Variants in ZNF516 observed in about 807,000 individuals in gnomAD.
ZNF516 encodes zinc finger protein 516.
A neutral mutation model predicts 79.7 loss-of-function variants in ZNF516; 19 were observed. The ratio of observed to expected loss-of-function variants is 0.24; its 90% CI spans 0.17 to 0.35. The LOEUF is 0.35. ZNF516 is among the 10% of genes least tolerant of loss of function. The probability of loss-of-function intolerance (pLI) is 1.00; values close to 1 mark genes in which losing one functional copy is unlikely to be tolerated. For missense variants in ZNF516, 1,678 were observed against 1,679.5 expected (o/e 1.00, Z 0.02); for synonymous variants, 877 against 739.5 (o/e 1.19, Z -3.02).
At chr18:76,407,470 G>T (rs1231098455) in intron 3 of ZNF516, among the ~76,000 whole-genome samples, 1 of 152,084 alleles carries the variant, frequency 6.6e-6, no homozygotes, top group Admixed American at 6.5e-5. Flanking sequence ...AGTAGCGCAG[G>T]TTCAATGTCG....
At chr18:76,423,541 TCCCCGAAACACACGCAGGTGAAAAGGCTC>T (rs2075538319) in intron 3 of ZNF516, among the ~76,000 whole-genome samples, 2 of 63,644 alleles carry the variant, frequency 3.1e-5, no homozygotes, top group African/African-American at 6.2e-5. Flanking sequence ...TGAAAAGGCT[TCCCCGAAACACACGCAGGTGAAAAGGCTC>T]CCCCGAAACA....
At chr18:76,414,341 G>A (rs2075407091) in intron 3 of ZNF516, among the ~76,000 whole-genome samples, 1 of 152,212 alleles carries the variant, frequency 6.6e-6, no homozygotes. Flanking sequence ...AGTTCCACGT[G>A]TTATTTTCCT....
chr18:76,419,735 A>G (rs927288704), intron 3 of ZNF516, among the ~76,000 whole-genome samples: 4 of 152,178 alleles, frequency 2.6e-5, no homozygotes, highest in Non-Finnish European at 5.9e-5. Flanking sequence ...ACCTTCTACC[A>G]TGATTGTGAG....
At chr18:76,454,346 G>A (rs1788995076) in intron 2 of ZNF516, among the ~76,000 whole-genome samples, 1 of 152,224 alleles carries the variant, frequency 6.6e-6, no homozygotes, top group South Asian at 2.1e-4. Flanking sequence ...TAGCTGAAAG[G>A]CGTATTGTGC....
chr18:76,438,599 T>C (rs2075775683), intron 3 of ZNF516, among the ~76,000 whole-genome samples: 1 of 152,178 alleles, frequency 6.6e-6, no homozygotes, highest in Non-Finnish European at 1.5e-5. Flanking sequence ...TGACCAAGTC[T>C]TATGTGGGGA....
intron 1 of ZNF516, among the ~76,000 whole-genome samples, chr18:76,468,775 G>A (rs1167306259): frequency 2.0e-5 from 3 of 152,090 alleles, no homozygotes; most frequent in South Asian, 2.1e-4. Flanking sequence ...CAATGTGGCC[G>A]AGGGAAGCCA....
At chr18:76,492,156 C>T (rs1915267379) in intron 1 of ZNF516, 4 of 985,392 alleles carry the variant, frequency 4.1e-6, no homozygotes, top group East Asian at 2.3e-4. Flanking sequence ...ATTGCATCAT[C>T]CCCATCCCGG....
chr18:76,436,242 C>T (rs1211725826), intron 3 of ZNF516, among the ~76,000 whole-genome samples: 1 of 152,186 alleles, frequency 6.6e-6, no homozygotes, highest in African/African-American at 2.4e-5. Context: ...AGAATGAGGA[C>T]ATCCCACAGC....
At chr18:76,392,733 G>T (rs539540999) in intron 3 of ZNF516, among the ~76,000 whole-genome samples, 23 of 45,264 alleles carry the variant, frequency 5.1e-4, no homozygotes, top group South Asian at 8.9e-4. Context: ...CAGGTGACCA[G>T]GTGGGGGAAA....
chr18:76,403,027 A>G (rs576509809), intron 3 of ZNF516, among the ~76,000 whole-genome samples: 1 of 152,362 alleles, frequency 6.6e-6, no homozygotes, highest in East Asian at 1.9e-4. Flanking sequence ...GTTGCTGCTG[A>G]GCCACCTGCC....
intron 3 of ZNF516, among the ~76,000 whole-genome samples, chr18:76,406,294 G>T (rs1286716749): frequency 6.6e-6 from 1 of 152,156 alleles, no homozygotes; most frequent in African/African-American, 2.4e-5. Flanking sequence ...GGCCGGGCGC[G>T]GTGGCTCACG....
At position 76,359,138 on chromosome 18, in the gene ZNF516, C is replaced by G. The variant is rs1419884052; in HGVS notation, c.*3360G>C. ...CCTGTCATACTGGGCGCTCCTTTCTCTGACGAAGTAACTGTATGCAACTCC... is the reference window on the plus strand; with the variant it reads ...CCTGTCATACTGGGCGCTCCTTTCTGTGACGAAGTAACTGTATGCAACTCC... On this transcript the variant is annotated 3_prime_UTR_variant, in exon 7 of 7. Transcript: ENST00000443185. 1 of 152,256 alleles carries G rather than the reference C, an allele frequency of 6.6e-6. No individual in the cohort carries two copies. Among genetic ancestry groups the G allele is most frequent in the Non-Finnish European group, 1.5e-5 (1 of 68,062 alleles). 9.4% of individuals were successfully genotyped at this position (152,256 alleles called of 1,614,324 possible).
chr18:76,385,630 C>G (rs1387404858), intron 3 of ZNF516: 1 of 152,256 alleles, frequency 6.6e-6, no homozygotes, highest in Admixed American at 6.5e-5. Context: ...ATTTGTGCCT[C>G]TTTTCTTCTT....
intron 3 of ZNF516, among the ~76,000 whole-genome samples, chr18:76,400,568 T>C (rs1049950492): frequency 5.3e-5 from 8 of 152,208 alleles, no homozygotes; most frequent in Non-Finnish European, 1.2e-4. Flanking sequence ...CTTGGTTGAG[T>C]GTGGATTATA....
intron 3 of ZNF516, among the ~76,000 whole-genome samples, chr18:76,428,429 ATCC>A (rs2075622681): frequency 6.6e-6 from 1 of 151,876 alleles, no homozygotes; most frequent in Non-Finnish European, 1.5e-5. Context: ...CCATCATGAA[ATCC>A]TCCTAAGTGT....
chr18:76,416,783 TC>T (rs2075437741), intron 3 of ZNF516, among the ~76,000 whole-genome samples: 1 of 152,138 alleles, frequency 6.6e-6, no homozygotes, highest in African/African-American at 2.4e-5. Flanking sequence ...AAACACATTC[TC>T]CCCCTTCTTA....
chr18:76,490,921 C>T, intron 1 of ZNF516: 23 of 985,632 alleles, frequency 2.3e-5, no homozygotes, highest in Non-Finnish European at 2.8e-5. Context: ...CATCCCCGGC[C>T]TCTTTACCGC....
Position 76,441,837 on chromosome 18 carries a change from C to G in ZNF516, c.1218G>C (p.Arg406=), listed in dbSNP as rs1486642836. 6.4e-7 allele frequency: 1 copy of G among 1,568,876 alleles called. No homozygotes were observed. The highest frequency in any genetic ancestry group is 1.3e-5 in the African/African-American group (1 of 74,148). The change falls in exon 3 of 7, where the codon CGG becomes CGC. Residue 406 remains arginine (R), a synonymous_variant. Transcript: ENST00000443185. ...DSCPGTQAGR[R]VAELDPVNSY... ...TGTTGACCGGGTCCAGCTCAGCCAC[C>G]CGCCGTCCGGCCTGCGTGCCAGGGC...
intron 3 of ZNF516, among the ~76,000 whole-genome samples, chr18:76,413,534 T>C (rs996639418): frequency 6.6e-6 from 1 of 152,038 alleles, no homozygotes; most frequent in Admixed American, 6.6e-5. Flanking sequence ...TATATGACTA[T>C]ATTAATAAGA....
Sources: gnomAD v4.1 joint callset for allele counts (sites outside exome capture counted in the v4.1 genomes callset) on GRCh38, gnomAD v4.1.1 for gene constraint, MANE v1.5 for transcripts, NCBI Gene and HGNC (gene_info 2026-07-23, HGNC 2026-07-21) for gene names.